ARL10: variants seen among roughly 807,000 people sequenced by gnomAD.
The protein encoded by ARL10 is ARF like GTPase 10.
A neutral mutation model predicts 26.1 loss-of-function variants in ARL10; 23 were observed. The ratio of observed to expected loss-of-function variants is 0.88; its 90% CI spans 0.63 to 1.25. The LOEUF (loss-of-function observed/expected upper bound fraction) is 1.25. Among genes scored for constraint, ARL10 ranks in the 50% most tolerant of loss-of-function variants. The probability of loss-of-function intolerance (pLI) is 0.00; values close to 1 mark genes in which losing one functional copy is unlikely to be tolerated. For missense variants in ARL10, 300 were observed against 323.6 expected, an observed-to-expected ratio of 0.93 and a Z score of 0.56; for synonymous variants, 138 against 149.1, an observed-to-expected ratio of 0.93 and a Z score of 0.54.
At chr5:176,384,492 A>AGGG, downstream of ARL10, 2 of 1,028,016 alleles carry the variant, frequency 1.9e-6, no homozygotes, top group Non-Finnish European at 2.9e-6. Context: ...TCCTGACCTC[A>AGGG]AAGGCTGTGG....
At chr5:176,397,795 C>G in intron 1 of ARL10, 1 of 1,523,424 alleles carries the variant, frequency 6.6e-7, no homozygotes, top group South Asian at 1.1e-5. Context: ...CCCCTGGCCC[C>G]TGCCAGGCAG....
chr5:176,414,458 G>A, the ARL10 span, among the ~76,000 whole-genome samples: 2 of 148,372 alleles, frequency 1.3e-5, no homozygotes, highest in Non-Finnish European at 3.0e-5. Context: ...TTGAGACAGG[G>A]TCTCACTCTG....
At chr5:176,382,826 A>T (rs1581401187), downstream of ARL10, among the ~76,000 whole-genome samples, 1 of 152,178 alleles carries the variant, frequency 6.6e-6, no homozygotes, top group Admixed American at 6.5e-5. Flanking sequence ...CCTAAAGTTC[A>T]TTCCTCACCT....
downstream of ARL10, among the ~76,000 whole-genome samples, chr5:176,404,677 C>G (rs1022399092): frequency 1.3e-5 from 2 of 152,240 alleles, no homozygotes; most frequent in African/African-American, 4.8e-5. Flanking sequence ...CCACCAGCTG[C>G]AAGGCCCACT....
intron 1 of ARL10, among the ~76,000 whole-genome samples, chr5:176,395,162 C>T (rs1038955585): frequency 6.6e-6 from 1 of 151,760 alleles, no homozygotes; most frequent in Non-Finnish European, 1.5e-5. Context: ...GGCCTTTTCT[C>T]TCTGGATGCC....
At position 176,365,828 on chromosome 5, in the gene ARL10, G is replaced by A. The variant is rs1768268633; in HGVS notation, c.183+82G>A. On this transcript the variant is annotated intron_variant, in intron 1 of 3. Transcript: ENST00000310389. ...CATGTGGCCAAGGGGTGTGACCACG[G>A]AACGGCCCTGCTGGTGCCGGGAGCT... 3.3e-6 allele frequency: 4 copies of A among 1,213,156 alleles called. No individual in the cohort carries two copies. In the East Asian group the frequency reaches 1.3e-4, roughly 39 times the overall value. 75.1% of individuals were successfully genotyped at this position (1,213,156 alleles called of 1,614,324 possible).
downstream of ARL10, chr5:176,389,469 C>T (rs767952835): frequency 1.2e-6 from 2 of 1,613,934 alleles, no homozygotes; most frequent in South Asian, 2.2e-5. Flanking sequence ...CTGGGTCTGG[C>T]TGTCACTGCT....
chr5:176,372,961 T>C lies in ARL10; in HGVS notation c.*1066T>C. The C allele has an allele frequency of 2.5e-6, 1 of 398,618 alleles. No individual in the cohort carries two copies. The highest frequency in any genetic ancestry group is 4.4e-6 in the Non-Finnish European group (1 of 226,062). The allele number at this position is 398,618 out of a possible 1,614,324, so 24.7% of individuals were successfully genotyped here. ...ACAGATGTCAGTGGAGACAAAGTTG[T>C]GGGTTCCTCCTCCCACCTGGCTTTG... On this transcript the variant is annotated 3_prime_UTR_variant, in exon 4 of 4. Transcript: ENST00000310389.
At chr5:176,414,664 A>G in the ARL10 span, among the ~76,000 whole-genome samples, 7 of 152,160 alleles carry the variant, frequency 4.6e-5, no homozygotes, top group African/African-American at 1.7e-4. Context: ...GCTCCACAGC[A>G]TTTGAAAGAG....
Position 176,371,718 on chromosome 5 carries a change from C to G in ARL10, c.562-4C>G. 21 of 1,613,700 alleles carry G rather than the reference C, an allele frequency of 1.3e-5. No individual in the cohort carries two copies. The highest frequency in any genetic ancestry group is 1.6e-5 in the Non-Finnish European group (19 of 1,179,680). ...CTGTGTTCGGACTTCTGTGTCTCAC[C>G]CAGGACCTGAGCGAGGCCATGAGTA... On this transcript the variant is annotated splice_region_variant and splice_polypyrimidine_tract_variant and intron_variant, in intron 3 of 3. Transcript: ENST00000310389.
chr5:176,410,406 G>T, the ARL10 span: 5 of 852,810 alleles, frequency 5.9e-6, no homozygotes, highest in Non-Finnish European at 1.9e-6. Context: ...GTATACCCAT[G>T]TATATATCGA....
At chr5:176,412,174 C>CAA in the ARL10 span, among the ~76,000 whole-genome samples, 322 of 82,356 alleles carry the variant, frequency 3.9e-3, no homozygotes, top group South Asian at 9.3e-3. Context: ...AGACTCATCT[C>CAA]AAAAAAAAAA....
chr5:176,412,042 GGCA>G, the ARL10 span, among the ~76,000 whole-genome samples: 2 of 152,002 alleles, frequency 1.3e-5, no homozygotes, highest in Non-Finnish European at 2.9e-5. Flanking sequence ...CAGGCGTGGT[GGCA>G]GGCGCCTGTA....
At chr5:176,406,262 A>C, downstream of ARL10, 1 of 1,031,134 alleles carries the variant, frequency 9.7e-7, no homozygotes, top group Non-Finnish European at 1.2e-6. Flanking sequence ...CTCTGGAGAG[A>C]GAAAGGGGCA....
At chr5:176,371,489 G>A (rs1480309114) in intron 3 of ARL10, among the ~76,000 whole-genome samples, 2 of 150,134 alleles carry the variant, frequency 1.3e-5, no homozygotes, top group African/African-American at 5.0e-5. Context: ...CTACTTCTGG[G>A]AACTTGGGGC....
chr5:176,404,139 G>T (rs1476160079), downstream of ARL10, among the ~76,000 whole-genome samples: 1 of 152,226 alleles, frequency 6.6e-6, no homozygotes, highest in Non-Finnish European at 1.5e-5. Flanking sequence ...GCAGAACCAG[G>T]ATTCAAACTG....
chr5:176,404,897 C>T (rs1474129470), downstream of ARL10, among the ~76,000 whole-genome samples: 2 of 152,246 alleles, frequency 1.3e-5, no homozygotes, highest in African/African-American at 4.8e-5. Flanking sequence ...TGTCCCCTCA[C>T]AGTTGCATTC....
downstream of ARL10, chr5:176,386,369 G>A (rs571555417): frequency 4.8e-4 from 105 of 220,196 alleles, 2 homozygotes; most frequent in South Asian, 6.9e-3. Context: ...TCCCTGACAG[G>A]TAAGGGGAAG....
exon 2 of ARL10, chr5:176,388,458 G>A (rs1417035183): frequency 1.9e-6 from 3 of 1,614,188 alleles, no homozygotes; most frequent in Non-Finnish European, 2.5e-6. Flanking sequence ...GCTGCCTTCC[G>A]TCGAGCATTC....
Sources: allele counts gnomAD v4.1 joint callset (sites outside exome capture counted in the v4.1 genomes callset), GRCh38; gene constraint gnomAD v4.1.1; transcripts MANE v1.5; gene names NCBI Gene and HGNC (gene_info 2026-07-23, HGNC 2026-07-21).